The following IL7 variants were observed in gnomAD, a reference collection of about 807,000 sequenced individuals.
The protein encoded by IL7 is interleukin 7, also known as interleukin-7.
In IL7, 3 loss-of-function variants were observed where a neutral mutation model predicts 21.6. The observed-to-expected ratio is 0.14, with a 90% CI of 0.06 to 0.36. The LOEUF (loss-of-function observed/expected upper bound fraction) is 0.36, where lower values mean the gene tolerates loss of function less well. Ranked by LOEUF, IL7 falls within the 10% of genes least tolerant of loss-of-function variation. The probability of loss-of-function intolerance (pLI) is 1.00; values close to 1 mark genes in which losing one functional copy is unlikely to be tolerated. For synonymous variants in IL7, 62 were observed against 68.1 expected, an observed-to-expected ratio of 0.91 and a Z score of 0.44; for missense variants, 175 against 200.2, an observed-to-expected ratio of 0.87 and a Z score of 0.76.
intron 3 of IL7, among the ~76,000 whole-genome samples, chr8:78,703,515 TTA>T (rs1275591858): frequency 6.7e-6 from 1 of 150,230 alleles, no homozygotes; most frequent in Non-Finnish European, 1.5e-5. Context: ...ATTGAACCCT[TTA>T]CCATTATGTA....
intron 2 of IL7, among the ~76,000 whole-genome samples, chr8:78,790,530 G>A (rs943080743): frequency 3.3e-5 from 5 of 151,932 alleles, no homozygotes; most frequent in African/African-American, 4.8e-5. Flanking sequence ...AAACTACTAC[G>A]TGTAAGATGC....
At chr8:78,689,979 G>A (rs1274020151) in intron 3 of IL7, among the ~76,000 whole-genome samples, 1 of 152,162 alleles carries the variant, frequency 6.6e-6, no homozygotes, top group Non-Finnish European at 1.5e-5. Flanking sequence ...TTTGTGTATA[G>A]TGTGAAGTAA....
At chr8:78,791,466 C>A (rs758753142) in intron 2 of IL7, among the ~76,000 whole-genome samples, 1 of 152,042 alleles carries the variant, frequency 6.6e-6, no homozygotes, top group African/African-American at 2.4e-5. Flanking sequence ...ATGGCAAAAA[C>A]CCATCTCTAC....
chr8:78,804,515 C>G (rs1402661352), intron 1 of IL7, among the ~76,000 whole-genome samples: 1 of 152,198 alleles, frequency 6.6e-6, no homozygotes, highest in Non-Finnish European at 1.5e-5. Context: ...AGCTACTCGC[C>G]GAACCCGGGC....
intron 2 of IL7, among the ~76,000 whole-genome samples, chr8:78,785,423 T>A (rs1813476847): frequency 6.6e-6 from 1 of 152,170 alleles, no homozygotes; most frequent in African/African-American, 2.4e-5. Flanking sequence ...CTATTTCATA[T>A]TTTTTGTTCA....
At chr8:78,791,593 A>G (rs1813696165) in intron 2 of IL7, among the ~76,000 whole-genome samples, 1 of 152,122 alleles carries the variant, frequency 6.6e-6, no homozygotes, top group Non-Finnish European at 1.5e-5. Flanking sequence ...TGAGCTAAGA[A>G]CACACCAGTG....
At chr8:78,748,838 TAAAG>T (rs1004590718) in intron 2 of IL7, among the ~76,000 whole-genome samples, 58 of 152,150 alleles carry the variant, frequency 3.8e-4, no homozygotes, top group African/African-American at 1.4e-3. Flanking sequence ...TTTATCTACA[TAAAG>T]AAAACAGCTA....
downstream of IL7, among the ~76,000 whole-genome samples, chr8:78,732,396 A>T (rs1466305760): frequency 6.6e-6 from 1 of 152,124 alleles, no homozygotes; most frequent in Non-Finnish European, 1.5e-5. Flanking sequence ...ACCAACACAC[A>T]CTGAGGGTGT....
At chr8:78,742,238 C>T (rs540051171) in intron 2 of IL7, among the ~76,000 whole-genome samples, 5 of 151,902 alleles carry the variant, frequency 3.3e-5, no homozygotes, top group East Asian at 1.9e-4. Context: ...GCAGGAGAAT[C>T]GCTTGAACCT....
intron 3 of IL7, among the ~76,000 whole-genome samples, chr8:78,706,604 C>T (rs577948891): frequency 6.6e-6 from 1 of 152,266 alleles, no homozygotes; most frequent in South Asian, 2.1e-4. Context: ...CATCCTGCCT[C>T]TCTTTTCTTT....
intron 5 of IL7, among the ~76,000 whole-genome samples, chr8:78,735,155 T>C (rs1400641581): frequency 3.3e-5 from 5 of 152,104 alleles, no homozygotes; most frequent in Admixed American, 1.3e-4. Flanking sequence ...ATTTGAAATA[T>C]ACAGATGTGA....
intron 2 of IL7, among the ~76,000 whole-genome samples, chr8:78,757,915 G>C (rs1049246755): frequency 2.0e-5 from 3 of 152,078 alleles, no homozygotes; most frequent in African/African-American, 7.2e-5. Context: ...TCTTGTGATA[G>C]TGAATAAGTC....
chr8:78,756,584 G>T (rs1346206484), intron 2 of IL7, among the ~76,000 whole-genome samples: 1 of 151,750 alleles, frequency 6.6e-6, no homozygotes, highest in East Asian at 1.9e-4. Context: ...TTTCCGCTAG[G>T]TTTTCCAATT....
intron 2 of IL7, among the ~76,000 whole-genome samples, chr8:78,797,515 G>T (rs1371906102): frequency 1.3e-5 from 2 of 151,848 alleles, no homozygotes; most frequent in Admixed American, 6.6e-5. Flanking sequence ...TCTACTTTCT[G>T]CTCGAATTTT....
At position 78,789,483 on chromosome 8, in the gene IL7, C is replaced by T. The variant is rs1007469903; in HGVS notation, c.147+8589G>A. ...CTAGAATTTGATCCTTCTTTGGCTA[C>T]TTCTGTTAGCAAACCAATCAAATGC... is the stretch of plus-strand genomic sequence containing the variant. On this transcript the variant is annotated intron_variant, in intron 2 of 5. Coordinates refer to ENST00000263851, the MANE Select transcript of IL7 (RefSeq NM_000880.4). Among the ~76,000 whole-genome samples the T allele has an allele frequency of 5.3e-5, 8 of 152,124 alleles. No individual in the cohort carries two copies. The South Asian group carries it at 1.7e-3, about 31-fold the overall frequency.
chr8:78,707,431 C>T (rs1810808356), intron 3 of IL7, among the ~76,000 whole-genome samples: 2 of 152,188 alleles, frequency 1.3e-5, no homozygotes, highest in Non-Finnish European at 1.5e-5. Context: ...CTTTGTCATG[C>T]TGTGACATAT....
chr8:78,798,311 A>C, intron 1 of IL7, 103 bp from the exon 2 acceptor site: 1 of 815,586 alleles, frequency 1.2e-6, no homozygotes, highest in Middle Eastern at 2.4e-4. Context: ...AATTTTAAAA[A>C]TACATCTTGG....
chr8:78,773,380 C>T (rs578246175), intron 2 of IL7, among the ~76,000 whole-genome samples: 3 of 152,212 alleles, frequency 2.0e-5, no homozygotes, highest in South Asian at 2.1e-4. Context: ...AATGTCATAA[C>T]GAACGGTATT....
intron 2 of IL7, among the ~76,000 whole-genome samples, chr8:78,741,363 G>A (rs183784704): frequency 2.0e-4 from 31 of 152,208 alleles, no homozygotes; most frequent in Non-Finnish European, 3.4e-4. Flanking sequence ...TCATTTTCAT[G>A]TTGACTTCCC....
Sources: gnomAD v4.1 joint callset for allele counts (sites outside exome capture counted in the v4.1 genomes callset) on GRCh38, gnomAD v4.1.1 for gene constraint, MANE v1.5 for transcripts, NCBI Gene and HGNC (gene_info 2026-07-23, HGNC 2026-07-21) for gene names.